KLHL1: variants seen among roughly 807,000 people sequenced by gnomAD.
The protein encoded by KLHL1 is kelch like family member 1.
KLHL1 carries 47 observed loss-of-function variants against 77.7 expected under a neutral mutation model. The observed-to-expected ratio is 0.60, with a 90% confidence interval of 0.48 to 0.77. The LOEUF is 0.77. Among genes scored for constraint, KLHL1 ranks in the 30% least tolerant of loss-of-function variants. The pLI is 0.00. For synonymous variants in KLHL1, 360 were observed against 325.2 expected (o/e 1.11, Z -1.15); for missense variants, 925 against 910.8 (o/e 1.02, Z -0.20).
intron 4 of KLHL1, among the ~76,000 whole-genome samples, chr13:69,884,952 G>A (rs959422951): frequency 2.2e-5 from 1 of 45,352 alleles, no homozygotes; most frequent in African/African-American, 1.1e-4. Flanking sequence ...TTTTTTTTTT[G>A]AGACGGAGTC....
chr13:70,030,037 G>A (rs1886054449), intron 1 of KLHL1, among the ~76,000 whole-genome samples: 1 of 152,126 alleles, frequency 6.6e-6, no homozygotes, highest in African/African-American at 2.4e-5. Context: ...TCAACAAGAA[G>A]AGCTAACTAT....
chr13:69,831,430 A>C (rs9542097), intron 6 of KLHL1, among the ~76,000 whole-genome samples: 33,934 of 149,490 alleles, frequency 0.23, 5,595 homozygotes, highest in South Asian at 0.34. Context: ...ACCAATAACA[A>C]GGAGCAAGAT....
intron 1 of KLHL1, among the ~76,000 whole-genome samples, chr13:70,084,410 T>C (rs535728705): frequency 3.3e-5 from 5 of 151,844 alleles, no homozygotes; most frequent in African/African-American, 9.6e-5. Context: ...GAAATATATT[T>C]CTGCTTCATT....
chr13:70,076,842 C>A (rs1004681473), intron 1 of KLHL1, among the ~76,000 whole-genome samples: 24 of 151,908 alleles, frequency 1.6e-4, no homozygotes, highest in African/African-American at 5.8e-4. Flanking sequence ...TGAACCAACA[C>A]TTCAGCAAGT....
intron 7 of KLHL1, among the ~76,000 whole-genome samples, chr13:69,763,277 T>G (rs1875111941): frequency 6.6e-6 from 1 of 152,158 alleles, no homozygotes; most frequent in South Asian, 2.1e-4. Context: ...CATGGATGAC[T>G]AGTTTGGGTA....
chr13:69,861,259 T>C (rs1028269765), intron 5 of KLHL1, among the ~76,000 whole-genome samples: 2 of 152,090 alleles, frequency 1.3e-5, no homozygotes, highest in African/African-American at 2.4e-5. Flanking sequence ...GCTGAAAAAG[T>C]CTGTTTATTT....
intron 7 of KLHL1, among the ~76,000 whole-genome samples, chr13:69,772,924 C>T (rs762925326): frequency 9.2e-5 from 14 of 151,934 alleles, no homozygotes; most frequent in South Asian, 2.1e-4. Flanking sequence ...TTTTTTTTAA[C>T]AACGTTGATC....
At position 69,740,279 on chromosome 13, in the gene KLHL1, C is replaced by G. The variant is rs1361358578; in HGVS notation, c.1802+115G>C. ...TTATTTGTCAATTTAAAAATATCAA[C>G]AGCTTAAAATGTTTTAAAACAATTT... On this transcript the variant is annotated intron_variant, in intron 8 of 10. Transcript: ENST00000377844. 14 of 731,214 alleles carry G rather than the reference C, an allele frequency of 1.9e-5. No individual in the cohort carries two copies. The African/African-American group carries it at 2.4e-4, about 13-fold the overall frequency. The allele number at this position is 731,214 out of a possible 1,614,324, so 45.3% of individuals were successfully genotyped here. A position where few individuals can be genotyped will look rare whatever the true frequency, so the allele number is the denominator to read the frequency against.
chr13:70,039,138 G>T (rs1313926226), intron 1 of KLHL1, among the ~76,000 whole-genome samples: 1 of 147,790 alleles, frequency 6.8e-6, no homozygotes, highest in Non-Finnish European at 1.5e-5. Flanking sequence ...AGCAATAATA[G>T]CTCACTGTAA....
chr13:69,897,629 A>G (rs893933926), intron 4 of KLHL1, among the ~76,000 whole-genome samples: 2 of 152,090 alleles, frequency 1.3e-5, no homozygotes, highest in Non-Finnish European at 1.5e-5. Flanking sequence ...TGCGTTGACT[A>G]CCTAAAGAGG....
At chr13:69,881,698 C>T (rs1479534907) in intron 5 of KLHL1, among the ~76,000 whole-genome samples, 10 of 152,130 alleles carry the variant, frequency 6.6e-5, no homozygotes, top group Admixed American at 4.6e-4. Context: ...CTTAACTCAT[C>T]GATAAAGTTA....
At chr13:69,860,745 AT>A (rs2138151557) in intron 5 of KLHL1, among the ~76,000 whole-genome samples, 1 of 133,698 alleles carries the variant, frequency 7.5e-6, no homozygotes, top group Non-Finnish European at 1.6e-5. Flanking sequence ...TACAAATTCT[AT>A]TTAAGATGAA....
intron 1 of KLHL1, among the ~76,000 whole-genome samples, chr13:70,024,062 T>G (rs1885871094): frequency 6.6e-6 from 1 of 151,886 alleles, no homozygotes; most frequent in African/African-American, 2.4e-5. Context: ...TTAGGGTGTT[T>G]TAAAGATTGT....
intron 4 of KLHL1, among the ~76,000 whole-genome samples, chr13:69,914,500 C>G (rs956304074): frequency 1.3e-5 from 2 of 152,152 alleles, no homozygotes; most frequent in Non-Finnish European, 2.9e-5. Context: ...CAAAATACAA[C>G]AAGCTTAGAG....
intron 6 of KLHL1, among the ~76,000 whole-genome samples, chr13:69,819,722 C>G (rs186131706): frequency 1.3e-5 from 2 of 152,268 alleles, no homozygotes; most frequent in African/African-American, 4.8e-5. Context: ...GTGGCCCTAA[C>G]ATGCCATCAG....
intron 6 of KLHL1, among the ~76,000 whole-genome samples, chr13:69,825,916 A>G (rs1432864522): frequency 6.6e-6 from 1 of 152,160 alleles, no homozygotes; most frequent in African/African-American, 2.4e-5. Flanking sequence ...AAACATAATG[A>G]CCTTGTATTG....
At chr13:69,715,105 C>G (rs1876057823) in intron 9 of KLHL1, among the ~76,000 whole-genome samples, 1 of 152,162 alleles carries the variant, frequency 6.6e-6, no homozygotes, top group African/African-American at 2.4e-5. Context: ...AATCACATAA[C>G]TAAATTGGTA....
chr13:69,945,478 C>T (rs1187888730), intron 3 of KLHL1, among the ~76,000 whole-genome samples: 1 of 148,428 alleles, frequency 6.7e-6, no homozygotes, highest in East Asian at 2.0e-4. Context: ...AAAAAAGCCA[C>T]TGTAAGATAT....
intron 1 of KLHL1, among the ~76,000 whole-genome samples, chr13:70,009,049 A>T (rs1224150259): frequency 6.6e-6 from 1 of 152,246 alleles, no homozygotes; most frequent in Admixed American, 6.6e-5. Context: ...CTTTTTAAAC[A>T]TTTAGAATAA....
Sources: allele counts gnomAD v4.1 joint callset (sites outside exome capture counted in the v4.1 genomes callset), GRCh38; gene constraint gnomAD v4.1.1; transcripts MANE v1.5; gene names NCBI Gene and HGNC (gene_info 2026-07-23, HGNC 2026-07-21).